Variants in LOC400499 observed in about 807,000 individuals in gnomAD.
At chr16:11,478,937 C>A in the LOC400499 span, among the ~76,000 whole-genome samples, 2 of 152,208 alleles carry the variant, frequency 1.3e-5, no homozygotes, top group African/African-American at 4.8e-5. Context: ...CTTTCTTTGT[C>A]TGCTGTCATC....
chr16:11,494,786 C>A, the LOC400499 span: 1 of 399,030 alleles, frequency 2.5e-6, no homozygotes, highest in Non-Finnish European at 4.4e-6. Flanking sequence ...GGCCCCCACC[C>A]GAGGTGGTGG....
the LOC400499 span, chr16:11,383,764 A>C: frequency 1.6e-6 from 2 of 1,232,290 alleles, no homozygotes; most frequent in East Asian, 6.3e-5. Context: ...ACACAGGCTG[A>C]GGAATGGTGT....
chr16:11,508,593 T>G, the LOC400499 span: 7 of 395,972 alleles, frequency 1.8e-5, no homozygotes. Flanking sequence ...TACCCACCCA[T>G]AGGTGACAGC....
chr16:11,478,319 C>T, the LOC400499 span, among the ~76,000 whole-genome samples: 5 of 152,000 alleles, frequency 3.3e-5, no homozygotes, highest in South Asian at 2.1e-4. Flanking sequence ...TGAGCCACTT[C>T]GCCGAACCAG....
At chr16:11,503,933 C>T in the LOC400499 span, among the ~76,000 whole-genome samples, 1 of 152,234 alleles carries the variant, frequency 6.6e-6, no homozygotes, top group African/African-American at 2.4e-5. Context: ...TGCTTCCTTC[C>T]TTCCTTCCTA....
At chr16:11,494,733 G>A in the LOC400499 span, 2 of 399,130 alleles carry the variant, frequency 5.0e-6, no homozygotes, top group African/African-American at 4.1e-5. Context: ...AAGGCGCCAG[G>A]GCTGGCCCTC....
the LOC400499 span, chr16:11,383,800 C>A: frequency 8.1e-7 from 1 of 1,232,186 alleles, no homozygotes; most frequent in Non-Finnish European, 1.0e-6. Context: ...TCAGGGACAC[C>A]GAGTCACTGT....
chr16:11,446,714 G>C, the LOC400499 span: 6 of 1,532,986 alleles, frequency 3.9e-6, no homozygotes, highest in African/African-American at 6.9e-5. Flanking sequence ...CTGGCTCTCA[G>C]GCCCCTTCCG....
At chr16:11,472,876 C>G in the LOC400499 span, 1 of 151,952 alleles carries the variant, frequency 6.6e-6, no homozygotes, top group Admixed American at 6.6e-5. Context: ...ACCTGTAATC[C>G]CAGAACTGTG....
At chr16:11,500,436 A>G in the LOC400499 span, among the ~76,000 whole-genome samples, 123,284 of 151,694 alleles carry the variant, frequency 0.81, 50,644 homozygotes, top group African/African-American at 0.9. Context: ...GCTTGAACCC[A>G]GGAGGTGGAG....
chr16:11,446,747 C>T, the LOC400499 span: 15 of 1,535,654 alleles, frequency 9.8e-6, no homozygotes, highest in African/African-American at 8.2e-5. Flanking sequence ...GACACACTCA[C>T]GTAGGGGTGT....
At chr16:11,386,230 C>A in the LOC400499 span, among the ~76,000 whole-genome samples, 1 of 151,682 alleles carries the variant, frequency 6.6e-6, no homozygotes, top group Admixed American at 6.5e-5. Context: ...CTAGCCAGTG[C>A]GGCCCCTGAG....
At chr16:11,443,402 G>A in the LOC400499 span, 13 of 429,346 alleles carry the variant, frequency 3.0e-5, no homozygotes, top group Non-Finnish European at 4.6e-5. Context: ...TGGAGGTTGC[G>A]GTGAGCTGAG....
chr16:11,453,298 G>C, the LOC400499 span, among the ~76,000 whole-genome samples: 8 of 152,172 alleles, frequency 5.3e-5, no homozygotes, highest in Admixed American at 6.5e-5. Context: ...GGCAGCTTCT[G>C]AGTACACTGA....
chr16:11,392,712 T>C, the LOC400499 span: 9 of 923,502 alleles, frequency 9.7e-6, no homozygotes, highest in Non-Finnish European at 1.2e-5. Flanking sequence ...CAGTTAGGGA[T>C]GCCATAAGGC....
chr16:11,510,406 C>T, the LOC400499 span, among the ~76,000 whole-genome samples: 1 of 151,772 alleles, frequency 6.6e-6, no homozygotes, highest in Non-Finnish European at 1.5e-5. Context: ...TTTGCACTTC[C>T]TGTTTCCGCC....
chr16:11,506,689 G>A, the LOC400499 span, among the ~76,000 whole-genome samples: 1 of 152,110 alleles, frequency 6.6e-6, no homozygotes, highest in Non-Finnish European at 1.5e-5. Context: ...GAAACTCCGG[G>A]GCCTCTCTAT....
At chr16:11,505,782 T>A in the LOC400499 span, among the ~76,000 whole-genome samples, 12 of 152,172 alleles carry the variant, frequency 7.9e-5, no homozygotes, top group African/African-American at 2.9e-4. Flanking sequence ...GATTCACATA[T>A]TTTCAGGGTA....
chr16:11,430,938 G>C, the LOC400499 span: 1 of 398,014 alleles, frequency 2.5e-6, no homozygotes, highest in Non-Finnish European at 4.4e-6. Context: ...TGAGATGCTG[G>C]AGTTGGAGCA....
Sources: allele counts gnomAD v4.1 joint callset (sites outside exome capture counted in the v4.1 genomes callset), GRCh38; gene constraint gnomAD v4.1.1; transcripts MANE v1.5.